TMED8: variants seen among roughly 807,000 people sequenced by gnomAD.
TMED8 encodes the protein transmembrane p24 trafficking protein family member 8.
In TMED8, 15 loss-of-function variants were observed where a neutral mutation model predicts 32.7. That is an observed-to-expected ratio of 0.46 (90% CI 0.31 to 0.71). TMED8 has a LOEUF of 0.71. Among genes scored for constraint, TMED8 ranks in the 30% least tolerant of loss-of-function variants. The pLI, the probability that TMED8 is intolerant of heterozygous loss-of-function variation, is 0.06. For synonymous variants in TMED8, 147 were observed against 161.4 expected, an observed-to-expected ratio of 0.91 and a Z score of 0.68; for missense variants, 390 against 423.9, an observed-to-expected ratio of 0.92 and a Z score of 0.70.
At position 77,352,814 on chromosome 14, in the gene TMED8, G is replaced by A. The variant is rs1286802983; in HGVS notation, c.119-1063C>T. 3.9e-5 allele frequency among the ~76,000 whole-genome samples: 6 copies of A among 152,236 alleles called. 1 individual carries two copies. The East Asian group carries it at 9.6e-4, about 24-fold the overall frequency. On this transcript the variant is annotated intron_variant, in intron 1 of 5. Transcript: ENST00000216468. ...ATGGTTAAATTAGGCAGAACATAGAGGGCAGAGTGGGATGTAAGATAAACT... is the reference window on the plus strand; with the variant it reads ...ATGGTTAAATTAGGCAGAACATAGAAGGCAGAGTGGGATGTAAGATAAACT...
Position 77,370,525 on chromosome 14 carries a change from TTGTG to T in TMED8, c.118+6407_118+6410del, listed in dbSNP as rs142679650. On this transcript the variant is annotated intron_variant, in intron 1 of 5. Coordinates refer to ENST00000216468, the MANE Select transcript of TMED8 (RefSeq NM_213601.3). ...GACATAGTGAAGTCTCATGCCAAGT[TTGTG>T]TGTGTGTCTATCTATGTACACATAT... Among the ~76,000 whole-genome samples, 536 of 152,188 alleles carry T rather than the reference TTGTG, an allele frequency of 3.5e-3. 5 individuals carry two copies. Among genetic ancestry groups the T allele is most frequent in the African/African-American group, 0.012 (502 of 41,544 alleles).
In TMED8 at chr14:77,343,404, C is replaced by T. The variant is rs772006607; in HGVS notation, c.534G>A (p.Glu178=). 6.2e-7 allele frequency: 1 copy of T among 1,614,086 alleles called. No homozygotes were observed. Among genetic ancestry groups the T allele is most frequent in the East Asian group, 2.2e-5 (1 of 44,882 alleles). Reference sequence around the variant, plus strand: ...GCTTCACCACCAGACGGCTGTTCTTCTCTTTGCCCAGCTTGCTTTTGAATT... The same window carrying T: ...GCTTCACCACCAGACGGCTGTTCTTTTCTTTGCCCAGCTTGCTTTTGAATT... The part of the protein sequence containing the change: ...VKEFKSKLGK[E]KNSRLVVKRG... Residue 178 remains glutamate, a synonymous_variant, in exon 5 of 6, where the codon GAG becomes GAA. Transcript: ENST00000216468.
rs1892751427 is a variant in TMED8 at position 77,335,999 on chromosome 14, G to A, written c.*5772C>T. 6.6e-6 allele frequency: 1 copy of A among 152,120 alleles called. No individual in the cohort carries two copies. The highest frequency in any genetic ancestry group is 2.4e-5 in the African/African-American group (1 of 41,412). 9.4% of individuals were successfully genotyped at this position (152,120 alleles called of 1,614,324 possible). Reference sequence around the variant, plus strand: ...ATCAACAATAACAATCAATAGCAAGGAACATTACACATTCAACCCTGAGTG... The same window carrying A: ...ATCAACAATAACAATCAATAGCAAGAAACATTACACATTCAACCCTGAGTG... On this transcript the variant is annotated 3_prime_UTR_variant, in exon 6 of 6. Transcript: ENST00000216468.
intron 3 of TMED8, among the ~76,000 whole-genome samples, chr14:77,345,659 CAAAAAAAA>C (rs11297608): frequency 1.9e-5 from 2 of 103,210 alleles, no homozygotes; most frequent in Non-Finnish European, 3.9e-5. Flanking sequence ...ACCTTTGTCT[CAAAAAAAA>C]AAAAAAAAAA....
At chr14:77,345,582 C>T (rs1337038013) in intron 3 of TMED8, among the ~76,000 whole-genome samples, 1 of 150,580 alleles carries the variant, frequency 6.6e-6, no homozygotes, top group Non-Finnish European at 1.5e-5. Context: ...ATCACTCGAG[C>T]CCAGGATTTT....
rs143166150 is a variant in TMED8 at position 77,361,061 on chromosome 14, C to T, written c.119-9310G>A. ...ACACAATCTCGGCTCACTGCAACAACCTCTGTCTCCCAGGTTCAAGTGATT... is the reference window on the plus strand; with the variant it reads ...ACACAATCTCGGCTCACTGCAACAATCTCTGTCTCCCAGGTTCAAGTGATT... On this transcript the variant is annotated intron_variant, in intron 1 of 5. Coordinates refer to ENST00000216468, the MANE Select transcript of TMED8 (RefSeq NM_213601.3). Among the ~76,000 whole-genome samples, 13 of 150,226 alleles carry T rather than the reference C, an allele frequency of 8.7e-5. No individual in the cohort carries two copies. The East Asian group carries it at 2.6e-3, about 30-fold the overall frequency.
chr14:77,354,544 G>GATAATCC (rs1893249580), intron 1 of TMED8, among the ~76,000 whole-genome samples: 2 of 152,128 alleles, frequency 1.3e-5, no homozygotes, highest in South Asian at 4.2e-4. Flanking sequence ...TTAATATACA[G>GATAATCC]ATAATCCATT....
intron 1 of TMED8, among the ~76,000 whole-genome samples, chr14:77,363,148 G>A (rs994420506): frequency 6.6e-6 from 1 of 152,202 alleles, no homozygotes; most frequent in Non-Finnish European, 1.5e-5. Flanking sequence ...TACAACAGTA[G>A]CAGAATACAC....
intron 1 of TMED8, among the ~76,000 whole-genome samples, chr14:77,373,573 G>A (rs1444399706): frequency 1.3e-5 from 2 of 151,966 alleles, no homozygotes; most frequent in African/African-American, 4.8e-5. Flanking sequence ...CACTCAATAG[G>A]TATTCTCTGC....
At chr14:77,357,739 A>C (rs914732997) in intron 1 of TMED8, among the ~76,000 whole-genome samples, 7 of 152,216 alleles carry the variant, frequency 4.6e-5, no homozygotes, top group African/African-American at 1.7e-4. Flanking sequence ...TGCTTATAGC[A>C]TAAGTTCTGA....
chr14:77,374,793 C>T (rs1893774755), intron 1 of TMED8, among the ~76,000 whole-genome samples: 1 of 152,174 alleles, frequency 6.6e-6, no homozygotes, highest in African/African-American at 2.4e-5. Context: ...ATAAAAGACG[C>T]CCAATTATAT....
chr14:77,367,240 TAAA>T (rs56707120), intron 1 of TMED8, among the ~76,000 whole-genome samples: 1 of 25,074 alleles, frequency 4.0e-5, no homozygotes, highest in African/African-American at 1.3e-4. Flanking sequence ...AGACTCTGTC[TAAA>T]AAAAAAAAAA....
At chr14:77,367,112 T>C (rs562075300) in intron 1 of TMED8, among the ~76,000 whole-genome samples, 1 of 151,396 alleles carries the variant, frequency 6.6e-6, no homozygotes, top group South Asian at 2.1e-4. Flanking sequence ...GGCATGGTGG[T>C]GTGTGTCTAA....
Position 77,362,087 on chromosome 14 carries a change from C to T in TMED8, c.119-10336G>A, listed in dbSNP as rs56198483. ...TTTTATCCTGCAACTTTATTGATAT[C>T]ATTTATTAATTCTAAGTTTTTTTTG... On this transcript the variant is annotated intron_variant, in intron 1 of 5. Coordinates refer to ENST00000216468, the MANE Select transcript of TMED8 (RefSeq NM_213601.3). Among the ~76,000 whole-genome samples the T allele has an allele frequency of 5.8e-3, 887 of 152,196 alleles. 3 individuals carry two copies. Among genetic ancestry groups the T allele is most frequent in the Non-Finnish European group, 8.9e-3 (602 of 67,992 alleles).
At chr14:77,366,449 T>A (rs1447980871) in intron 1 of TMED8, among the ~76,000 whole-genome samples, 1 of 152,214 alleles carries the variant, frequency 6.6e-6, no homozygotes, top group Non-Finnish European at 1.5e-5. Flanking sequence ...GCCAAGTTGT[T>A]CTTGCTGCTT....
chr14:77,347,766 C>T (rs1317019202), intron 2 of TMED8, among the ~76,000 whole-genome samples: 1 of 152,152 alleles, frequency 6.6e-6, no homozygotes, highest in African/African-American at 2.4e-5. Flanking sequence ...TTCCCCTGGC[C>T]TCACAAAAAC....
chr14:77,371,253 A>C (rs1055603460), intron 1 of TMED8, among the ~76,000 whole-genome samples: 1 of 152,202 alleles, frequency 6.6e-6, no homozygotes, highest in Admixed American at 6.5e-5. Context: ...CCTCCACAGA[A>C]TCTGTACCAA....
intron 1 of TMED8, among the ~76,000 whole-genome samples, chr14:77,369,766 C>T (rs1893635234): frequency 6.6e-6 from 1 of 152,170 alleles, no homozygotes; most frequent in Non-Finnish European, 1.5e-5. Context: ...TTCTAATTGT[C>T]CCTGATGAGA....
At chr14:77,335,024 C>T (rs970070602), downstream of TMED8, 1 of 152,078 alleles carries the variant, frequency 6.6e-6, no homozygotes, top group Non-Finnish European at 1.5e-5. Context: ...TCAGATGTTA[C>T]CAGGTGCATA....
Sources: gnomAD v4.1 joint callset for allele counts (sites outside exome capture counted in the v4.1 genomes callset) on GRCh38, gnomAD v4.1.1 for gene constraint, MANE v1.5 for transcripts, NCBI Gene and HGNC (gene_info 2026-07-23, HGNC 2026-07-21) for gene names.